LRMDA: variants seen among roughly 807,000 people sequenced by gnomAD.
LRMDA encodes leucine rich melanocyte differentiation associated.
LRMDA carries 18 observed loss-of-function variants against 29.8 expected under a neutral mutation model. The ratio of observed to expected loss-of-function variants is 0.60; its 90% CI spans 0.42 to 0.90. The LOEUF (loss-of-function observed/expected upper bound fraction) is 0.90. LRMDA is among the 40% of genes least tolerant of loss of function. LRMDA has a pLI of 0.00. For synonymous variants in LRMDA, 125 were observed against 109.4 expected, an observed-to-expected ratio of 1.14 and a Z score of -0.89; for missense variants, 273 against 273.9, an observed-to-expected ratio of 1.00 and a Z score of 0.02.
At chr10:75,661,898 A>C (rs1841758122) in intron 2 of LRMDA, among the ~76,000 whole-genome samples, 1 of 152,186 alleles carries the variant, frequency 6.6e-6, no homozygotes, top group Non-Finnish European at 1.5e-5. Context: ...AAATGGATTG[A>C]GGCTTGGGTT....
intron 2 of LRMDA, among the ~76,000 whole-genome samples, chr10:76,022,715 G>C (rs1446963365): frequency 6.6e-6 from 1 of 152,136 alleles, no homozygotes; most frequent in Non-Finnish European, 1.5e-5. Flanking sequence ...CTCCATGTGG[G>C]CTGGGAGGAA....
chr10:75,432,247 A>C (rs549595472), intron 1 of LRMDA, among the ~76,000 whole-genome samples: 1 of 152,378 alleles, frequency 6.6e-6, no homozygotes, highest in Non-Finnish European at 1.5e-5. Flanking sequence ...TAGGGTACCC[A>C]AAGTCCCAGC....
At chr10:76,394,177 A>C (rs1251360313) in intron 6 of LRMDA, among the ~76,000 whole-genome samples, 5 of 152,182 alleles carry the variant, frequency 3.3e-5, no homozygotes, top group Admixed American at 3.3e-4. Context: ...TTAAAAAGGC[A>C]TTCTCAGAAA....
intron 2 of LRMDA, among the ~76,000 whole-genome samples, chr10:75,656,993 C>T (rs557010596): frequency 2.0e-5 from 3 of 152,088 alleles, no homozygotes; most frequent in South Asian, 4.2e-4. Flanking sequence ...TGAGCCAGCC[C>T]GAGAGACAAT....
At chr10:75,727,231 G>C (rs920580466) in intron 2 of LRMDA, among the ~76,000 whole-genome samples, 1 of 152,174 alleles carries the variant, frequency 6.6e-6, no homozygotes, top group Non-Finnish European at 1.5e-5. Flanking sequence ...GTTTCTGTGG[G>C]ATGGAATCTC....
Position 76,557,243 on chromosome 10 carries a change from G to C in LRMDA, c.636G>C (p.Gly212=). Residue 212 remains glycine (G), a synonymous_variant, in exon 7 of 7, where the codon GGG becomes GGC. Transcript: ENST00000611255. ...VLGKCRYVYY[G]KNSEGNRFIR... The stretch of plus-strand genomic sequence containing the variant: ...GGAAGTGTCGCTACGTTTACTATGG[G>C]AAAAACTCAGAGGGCAACAGGTTTA... The C allele has an allele frequency of 6.2e-7, 1 of 1,614,082 alleles. No homozygotes were observed. The highest frequency in any genetic ancestry group is 1.1e-5 in the South Asian group (1 of 91,084).
At chr10:75,544,690 GT>G (rs527945686) in intron 2 of LRMDA, among the ~76,000 whole-genome samples, 29 of 146,976 alleles carry the variant, frequency 2.0e-4, no homozygotes, top group African/African-American at 3.5e-4. Flanking sequence ...AAACTTTCTT[GT>G]TTTTTTTTTC....
At chr10:75,859,634 CACACACACACACAT>C (rs1310561080) in intron 2 of LRMDA, among the ~76,000 whole-genome samples, 31 of 150,252 alleles carry the variant, frequency 2.1e-4, no homozygotes, top group Admixed American at 1.4e-3. Context: ...CACACACACA[CACACACACACACAT>C]ACATCTGGCC....
At chr10:76,481,422 G>A (rs1442343418) in intron 6 of LRMDA, among the ~76,000 whole-genome samples, 1 of 151,872 alleles carries the variant, frequency 6.6e-6, no homozygotes, top group Non-Finnish European at 1.5e-5. Flanking sequence ...CTTCTTTAGG[G>A]AGATATAAAT....
chr10:76,030,294 T>C (rs1848127992), intron 2 of LRMDA, among the ~76,000 whole-genome samples: 1 of 152,098 alleles, frequency 6.6e-6, no homozygotes, highest in African/African-American at 2.4e-5. Context: ...GTGACTTGAA[T>C]GGCAGAAAAA....
At chr10:75,783,844 A>G (rs1843426413) in intron 2 of LRMDA, among the ~76,000 whole-genome samples, 1 of 152,214 alleles carries the variant, frequency 6.6e-6, no homozygotes, top group South Asian at 2.1e-4. Flanking sequence ...GCCCCAAACC[A>G]GCCAAGATGT....
chr10:76,301,851 A>G (rs1369655567), intron 5 of LRMDA, among the ~76,000 whole-genome samples: 1 of 152,200 alleles, frequency 6.6e-6, no homozygotes, highest in African/African-American at 2.4e-5. Flanking sequence ...GGGAAGTGTT[A>G]TTTATTTGTG....
chr10:75,795,104 T>C (rs542100873), intron 2 of LRMDA, among the ~76,000 whole-genome samples: 15 of 152,228 alleles, frequency 9.9e-5, no homozygotes, highest in Admixed American at 3.9e-4. Context: ...GAGTTAAGAA[T>C]TGGGATTCTG....
intron 2 of LRMDA, among the ~76,000 whole-genome samples, chr10:75,836,771 T>G (rs1322172622): frequency 6.6e-6 from 1 of 152,184 alleles, no homozygotes. Context: ...ACCTCTTATT[T>G]CCTCTCTCTC....
intron 2 of LRMDA, among the ~76,000 whole-genome samples, chr10:75,925,097 T>C (rs1184377090): frequency 6.6e-6 from 1 of 152,136 alleles, no homozygotes; most frequent in Non-Finnish European, 1.5e-5. Context: ...ATGACACCAA[T>C]ACCAAGTCGT....
At chr10:75,782,954 C>G (rs1317675946) in intron 2 of LRMDA, 1 of 1,613,682 alleles carries the variant, frequency 6.2e-7, no homozygotes, top group African/African-American at 1.3e-5. Context: ...ATTTGAATGT[C>G]AATATCTTTG....
intron 6 of LRMDA, among the ~76,000 whole-genome samples, chr10:76,552,245 G>A (rs1353411630): frequency 6.6e-6 from 1 of 152,188 alleles, no homozygotes; most frequent in Non-Finnish European, 1.5e-5. Flanking sequence ...TTGATGGCTG[G>A]GCTTTAGTTC....
At chr10:76,022,160 A>G (rs1236600885) in intron 2 of LRMDA, among the ~76,000 whole-genome samples, 1 of 152,210 alleles carries the variant, frequency 6.6e-6, no homozygotes, top group East Asian at 1.9e-4. Context: ...TCTCATTAAC[A>G]GTGGTCGTCT....
At chr10:75,720,364 C>T (rs968393353) in intron 2 of LRMDA, among the ~76,000 whole-genome samples, 1 of 152,186 alleles carries the variant, frequency 6.6e-6, no homozygotes, top group African/African-American at 2.4e-5. Context: ...AGTCACTTAA[C>T]AACATATCGT....
Sources: gnomAD v4.1 joint callset for allele counts (sites outside exome capture counted in the v4.1 genomes callset) on GRCh38, gnomAD v4.1.1 for gene constraint, MANE v1.5 for transcripts, NCBI Gene and HGNC (gene_info 2026-07-23, HGNC 2026-07-21) for gene names.